The following PLCE1 variants were observed in gnomAD, a reference collection of about 807,000 sequenced individuals.
PLCE1 encodes the protein 1-phosphatidylinositol 4,5-bisphosphate phosphodiesterase epsilon-1.
Under a neutral mutation model 242.8 loss-of-function variants are expected in PLCE1, and 119 were observed. That is an observed-to-expected ratio of 0.49 (90% CI 0.42 to 0.57). The LOEUF is 0.57. Among genes scored for constraint, PLCE1 ranks in the 20% least tolerant of loss-of-function variants. The pLI is 0.00. For synonymous variants in PLCE1, 945 were observed against 1,017.4 expected (o/e 0.93, Z 1.35); for missense variants, 2,441 against 2,788.8 (o/e 0.88, Z 2.81).
intron 4 of PLCE1, among the ~76,000 whole-genome samples, chr10:94,188,005 C>T (rs979099506): frequency 6.6e-6 from 1 of 152,096 alleles, no homozygotes; most frequent in Non-Finnish European, 1.5e-5. Flanking sequence ...ATGGAACCCA[C>T]TTGCCCCCTT....
Position 94,110,058 on chromosome 10 carries a change from C to CTT in PLCE1, c.1207-22095_1207-22094dup, listed in dbSNP as rs33974566. ...AGACCCTTTCCTTTTTTTCTTTTTT[C>CTT]TTTTTTTTTTTTTTTTTTTTTTGAG... is the stretch of plus-strand genomic sequence containing the variant. On this transcript the variant is annotated intron_variant, in intron 2 of 32. Coordinates refer to ENST00000371380, the MANE Select transcript of PLCE1 (RefSeq NM_016341.4). Among the ~76,000 whole-genome samples, 384 of 75,846 alleles carry CTT rather than the reference C, an allele frequency of 5.1e-3. 47 individuals carry two copies. The highest frequency in any genetic ancestry group is 0.019 in the African/African-American group (363 of 19,118). 49.8% of individuals were successfully genotyped at this position (75,846 alleles called of 152,430 possible).
chr10:94,075,794 G>A (rs543729702), intron 2 of PLCE1, among the ~76,000 whole-genome samples: 16 of 152,236 alleles, frequency 1.1e-4, no homozygotes, highest in Non-Finnish European at 2.2e-4. Flanking sequence ...AATGCGTTCT[G>A]CTGTTCAGAG....
chr10:94,147,908 T>G (rs1250384054), intron 3 of PLCE1, among the ~76,000 whole-genome samples: 4 of 152,204 alleles, frequency 2.6e-5, no homozygotes, highest in Non-Finnish European at 4.4e-5. Context: ...GCACTGTTCT[T>G]AATTCTAGGA....
chr10:94,251,215 G>A (rs2050862736), intron 8 of PLCE1, among the ~76,000 whole-genome samples: 1 of 152,132 alleles, frequency 6.6e-6, no homozygotes, highest in Admixed American at 6.6e-5. Context: ...CCCACTATAA[G>A]AGGTCACCCA....
chr10:94,040,079 A>G (rs114608469), intron 2 of PLCE1, among the ~76,000 whole-genome samples: 3,269 of 152,298 alleles, frequency 0.021, 128 homozygotes, highest in African/African-American at 0.074. Context: ...CTCCTTCTCA[A>G]TATTTCTCAC....
intron 4 of PLCE1, among the ~76,000 whole-genome samples, chr10:94,191,083 T>C (rs921413492): frequency 3.3e-5 from 5 of 152,110 alleles, no homozygotes; most frequent in South Asian, 4.1e-4. Flanking sequence ...CCCAGCCTCA[T>C]AGGGTGACTA....
intron 1 of PLCE1, among the ~76,000 whole-genome samples, chr10:94,018,290 C>T (rs997986532): frequency 6.6e-6 from 1 of 152,166 alleles, no homozygotes; most frequent in African/African-American, 2.4e-5. Flanking sequence ...TTTCTCTTCC[C>T]CCTCGTTGCC....
intron 3 of PLCE1, 45 bp downstream of exon 3, chr10:94,132,504 G>A: frequency 6.4e-7 from 1 of 1,557,330 alleles, no homozygotes; most frequent in Non-Finnish European, 8.8e-7. Flanking sequence ...TTTGACTACA[G>A]AGAAGGATCT....
At chr10:94,271,376 G>A (rs1171603744) in intron 18 of PLCE1, among the ~76,000 whole-genome samples, 1 of 136,998 alleles carries the variant, frequency 7.3e-6, no homozygotes, top group African/African-American at 2.8e-5. Context: ...GTGCAGTGGT[G>A]CAATCTCTGC....
chr10:94,074,322 T>C (rs2044443658), intron 2 of PLCE1, among the ~76,000 whole-genome samples: 1 of 151,524 alleles, frequency 6.6e-6, no homozygotes, highest in Admixed American at 6.6e-5. Flanking sequence ...GCCTCCTGAG[T>C]AGCTGGGACC....
chr10:94,174,275 C>T (rs2048064569), intron 4 of PLCE1, among the ~76,000 whole-genome samples: 2 of 152,076 alleles, frequency 1.3e-5, no homozygotes, highest in Non-Finnish European at 2.9e-5. Flanking sequence ...ATAAATACAT[C>T]AGTGTGGTGG....
At chr10:94,260,124 A>T (rs991640435) in intron 13 of PLCE1, among the ~76,000 whole-genome samples, 3 of 152,136 alleles carry the variant, frequency 2.0e-5, no homozygotes, top group African/African-American at 7.2e-5. Context: ...AATGTCTGCT[A>T]GGTATGTGGT....
chr10:94,290,414 A>AT, intron 22 of PLCE1, among the ~76,000 whole-genome samples: 1 of 148,200 alleles, frequency 6.7e-6, no homozygotes, highest in Admixed American at 6.8e-5. Context: ...TCTATTTTTA[A>AT]TTTTTTTTAC....
intron 4 of PLCE1, among the ~76,000 whole-genome samples, chr10:94,214,672 T>C (rs2136987869): frequency 6.6e-6 from 1 of 152,316 alleles, no homozygotes; most frequent in South Asian, 2.1e-4. Flanking sequence ...TGGCTGGTTG[T>C]CGGTCTCCTT....
chr10:94,201,498 C>T (rs561545269), intron 4 of PLCE1, among the ~76,000 whole-genome samples: 6 of 152,204 alleles, frequency 3.9e-5, no homozygotes, highest in South Asian at 4.1e-4. Context: ...TTTTTTTGAG[C>T]GGAGTCTTGC....
intron 4 of PLCE1, among the ~76,000 whole-genome samples, chr10:94,193,631 A>C (rs561289517): frequency 6.6e-6 from 1 of 152,334 alleles, no homozygotes; most frequent in African/African-American, 2.4e-5. Context: ...TTGGCAAAAG[A>C]AAGTGAGCAC....
rs575611837 is a variant in PLCE1, at chr10:94,031,083, C to G, written c.37C>G (p.Pro13Ala). ...SEEMTASVLI[P>A]VTQRKVVSAQ... ...AGAAATGACAGCTTCTGTTCTCATA[C>G]CTGTGACTCAGAGAAAAGTGGTTTC... The change falls in exon 2 of 33, where the codon CCT becomes GCT. Residue 13 changes from proline (P) to alanine (A), a missense_variant. Coordinates refer to ENST00000371380, the MANE Select transcript of PLCE1 (RefSeq NM_016341.4). 50 of 1,613,534 alleles carry G rather than the reference C, an allele frequency of 3.1e-5. No homozygotes were observed. Among genetic ancestry groups the G allele is most frequent in the East Asian group, 2.2e-5 (1 of 44,864 alleles).
intron 14 of PLCE1, 65 bp downstream of exon 14, chr10:94,262,797 T>C (rs1300496797): frequency 1.9e-6 from 2 of 1,030,990 alleles, no homozygotes; most frequent in Non-Finnish European, 3.1e-6. Context: ...AATTTGCTGC[T>C]AAATGTTTAT....
chr10:94,071,495 G>GTTTTTTTTTTTTTTTTTTTTTTTTTT lies in PLCE1; in HGVS notation c.1206+39264_1206+39265insTTTTTTTTTTTTTTTTTTTTTTTTTT, dbSNP rs559496577. Among the ~76,000 whole-genome samples, 3 of 83,316 alleles carry GTTTTTTTTTTTTTTTTTTTTTTTTTT rather than the reference G, an allele frequency of 3.6e-5. 1 individual carries two copies. The highest frequency in any genetic ancestry group is 1.6e-4 in the African/African-American group (3 of 18,662). 54.7% of individuals were successfully genotyped at this position (83,316 alleles called of 152,430 possible). ...GTCTGTGTGTGTGTGTTTGGTTTTC[G>GTTTTTTTTTTTTTTTTTTTTTTTTTT]TTTTTTTTTTTTTTTTTTTTTGAGT... On this transcript the variant is annotated intron_variant, in intron 2 of 32. Coordinates refer to ENST00000371380, the MANE Select transcript of PLCE1 (RefSeq NM_016341.4).
Sources: gnomAD v4.1 joint callset for allele counts (sites outside exome capture counted in the v4.1 genomes callset) on GRCh38, gnomAD v4.1.1 for gene constraint, MANE v1.5 for transcripts, NCBI Gene and HGNC (gene_info 2026-07-23, HGNC 2026-07-21) for gene names.